Variants in CNTNAP2 observed in about 807,000 individuals in gnomAD.
CNTNAP2 encodes contactin-associated protein-like 2.
Under a neutral mutation model 155.2 loss-of-function variants are expected in CNTNAP2, and 98 were observed. The ratio of observed to expected loss-of-function variants is 0.63; its 90% CI spans 0.54 to 0.75. The LOEUF (loss-of-function observed/expected upper bound fraction) is 0.75, where lower values mean the gene tolerates loss of function less well. Among genes scored for constraint, CNTNAP2 ranks in the 30% least tolerant of loss-of-function variants. The pLI is 0.00. For missense variants in CNTNAP2, 1,727 were observed against 1,688.1 expected, an observed-to-expected ratio of 1.02 and a Z score of -0.40; for synonymous variants, 651 against 631.2, an observed-to-expected ratio of 1.03 and a Z score of -0.47.
At chr7:147,204,598 A>T (rs1802982216) in intron 8 of CNTNAP2, among the ~76,000 whole-genome samples, 1 of 152,044 alleles carries the variant, frequency 6.6e-6, no homozygotes, top group Admixed American at 6.6e-5. Context: ...AAAAACCACA[A>T]ATCAGTGTTT....
intron 13 of CNTNAP2, among the ~76,000 whole-genome samples, chr7:147,707,858 G>A (rs1423089167): frequency 1.3e-5 from 2 of 152,188 alleles, no homozygotes; most frequent in Admixed American, 1.3e-4. Flanking sequence ...TGATTGCATT[G>A]TTGTGGGCAT....
chr7:146,391,097 ATATAT>A (rs1296389861), intron 1 of CNTNAP2, among the ~76,000 whole-genome samples: 6 of 147,470 alleles, frequency 4.1e-5, no homozygotes, highest in East Asian at 1.9e-4. Flanking sequence ...TATCGTAAAT[ATATAT>A]TATATTATAT....
intron 11 of CNTNAP2, among the ~76,000 whole-genome samples, chr7:147,526,127 G>T (rs571218635): frequency 1.3e-5 from 2 of 150,798 alleles, no homozygotes; most frequent in African/African-American, 4.9e-5. Context: ...GGGAGGAGGA[G>T]GTTGAAGTGA....
chr7:147,326,071 C>T (rs193051419), intron 9 of CNTNAP2, among the ~76,000 whole-genome samples: 268 of 152,176 alleles, frequency 1.8e-3, no homozygotes, highest in African/African-American at 5.8e-3. Flanking sequence ...GACAAGCGCA[C>T]GCCACCACAC....
Position 146,211,322 on chromosome 7 carries a change from T to C in CNTNAP2, c.97+94349T>C, listed in dbSNP as rs183834267. ...CAATTTCGAAAGAGGTGTAATTTTG[T>C]AGCTAAAGTCGAAATCTTGAAAGAA... On this transcript the variant is annotated intron_variant, in intron 1 of 23. Transcript: ENST00000361727. Among the ~76,000 whole-genome samples the C allele has an allele frequency of 2.0e-5, 3 of 152,336 alleles. No homozygotes were observed. In the East Asian group the frequency reaches 5.8e-4, roughly 29 times the overall value.
At chr7:146,958,834 G>C (rs1215009717) in intron 3 of CNTNAP2, among the ~76,000 whole-genome samples, 3 of 151,974 alleles carry the variant, frequency 2.0e-5, no homozygotes, top group African/African-American at 7.3e-5. Flanking sequence ...ATGCATGACT[G>C]AAACAAGAGT....
intron 1 of CNTNAP2, among the ~76,000 whole-genome samples, chr7:146,128,419 C>T (rs1037384953): frequency 6.6e-6 from 1 of 152,156 alleles, no homozygotes; most frequent in Admixed American, 6.5e-5. Context: ...CAGATTTACA[C>T]TCCCATAAAT....
chr7:146,209,221 A>C (rs1356180069), intron 1 of CNTNAP2, among the ~76,000 whole-genome samples: 3 of 152,164 alleles, frequency 2.0e-5, no homozygotes, highest in African/African-American at 7.2e-5. Context: ...AAGAAGTCAC[A>C]GTCAGAACCG....
intron 3 of CNTNAP2, among the ~76,000 whole-genome samples, chr7:147,026,809 A>G (rs1211802249): frequency 6.6e-6 from 1 of 151,844 alleles, no homozygotes; most frequent in East Asian, 1.9e-4. Context: ...CTTATTCAAA[A>G]AGGCAGATTC....
intron 1 of CNTNAP2, among the ~76,000 whole-genome samples, chr7:146,533,531 A>T (rs2129139598): frequency 6.6e-6 from 1 of 152,328 alleles, no homozygotes; most frequent in East Asian, 1.9e-4. Flanking sequence ...TGTTCCTGAT[A>T]GAACAATAAT....
chr7:148,123,456 G>C (rs939613580), intron 16 of CNTNAP2, among the ~76,000 whole-genome samples: 1 of 152,128 alleles, frequency 6.6e-6, no homozygotes, highest in African/African-American at 2.4e-5. Context: ...GCCAGGCATG[G>C]TTGGCTGCAC....
At chr7:146,863,966 G>A (rs1438183731) in intron 3 of CNTNAP2, among the ~76,000 whole-genome samples, 2 of 152,022 alleles carry the variant, frequency 1.3e-5, no homozygotes, top group Admixed American at 6.6e-5. Context: ...GATAGAGGTT[G>A]TTGTTAAAGG....
chr7:147,559,449 T>C (rs910850902), intron 11 of CNTNAP2, among the ~76,000 whole-genome samples: 3 of 152,182 alleles, frequency 2.0e-5, no homozygotes, highest in Admixed American at 1.3e-4. Flanking sequence ...AAAAGTGATG[T>C]TTCATAACTA....
rs769994156 is a variant in CNTNAP2, at chr7:146,793,926, C to T, written c.208+19545C>T. 7.2e-5 allele frequency among the ~76,000 whole-genome samples: 11 copies of T among 152,294 alleles called. No homozygotes were observed. In the South Asian group the frequency reaches 2.1e-3, roughly 29 times the overall value. ...AAGAAGACAGGACTCTAGGATGTGTCTTACTTTTCCAGAACATGTTACAAA... is the reference window on the plus strand; with the variant it reads ...AAGAAGACAGGACTCTAGGATGTGTTTTACTTTTCCAGAACATGTTACAAA... On this transcript the variant is annotated intron_variant, in intron 2 of 23. Transcript: ENST00000361727.
chr7:147,912,939 G>A (rs1413940092), intron 14 of CNTNAP2, among the ~76,000 whole-genome samples: 1 of 152,178 alleles, frequency 6.6e-6, no homozygotes, highest in East Asian at 1.9e-4. Flanking sequence ...TCTGGGACCT[G>A]GGTTTGTTGA....
At chr7:147,219,799 A>C (rs1407568071) in intron 8 of CNTNAP2, among the ~76,000 whole-genome samples, 1 of 152,110 alleles carries the variant, frequency 6.6e-6, no homozygotes, top group African/African-American at 2.4e-5. Flanking sequence ...GTTGTTGTTG[A>C]GACGGACTCT....
intron 5 of CNTNAP2, among the ~76,000 whole-genome samples, chr7:147,109,914 T>A (rs1225571836): frequency 6.6e-6 from 1 of 151,366 alleles, no homozygotes; most frequent in Non-Finnish European, 1.5e-5. Flanking sequence ...TATTTATTTA[T>A]TTATTTATTT....
At chr7:147,367,117 A>T (rs764534776) in intron 9 of CNTNAP2, among the ~76,000 whole-genome samples, 4 of 152,216 alleles carry the variant, frequency 2.6e-5, no homozygotes, top group Non-Finnish European at 5.9e-5. Context: ...AAACACACAA[A>T]AGATAATTTA....
intron 8 of CNTNAP2, among the ~76,000 whole-genome samples, chr7:147,154,288 G>A (rs997551128): frequency 1.3e-5 from 2 of 152,130 alleles, no homozygotes; most frequent in South Asian, 2.1e-4. Flanking sequence ...CATGTGAGAC[G>A]TTGGGCATAA....
Sources: allele counts gnomAD v4.1 joint callset (sites outside exome capture counted in the v4.1 genomes callset), GRCh38; gene constraint gnomAD v4.1.1; transcripts MANE v1.5; gene names NCBI Gene and HGNC (gene_info 2026-07-23, HGNC 2026-07-21).